ZFYVE26: variants seen among roughly 807,000 people sequenced by gnomAD.
ZFYVE26 encodes the protein zinc finger FYVE-type containing 26, also known as zinc finger FYVE domain-containing protein 26.
Under a neutral mutation model 276.5 loss-of-function variants are expected in ZFYVE26, and 181 were observed. The observed-to-expected ratio is 0.65, with a 90% CI of 0.58 to 0.74. The LOEUF is 0.74. Among genes scored for constraint, ZFYVE26 ranks in the 30% least tolerant of loss-of-function variants. ZFYVE26 has a pLI of 0.00. For missense variants in ZFYVE26, 2,821 were observed against 3,097.9 expected, an observed-to-expected ratio of 0.91 and a Z score of 2.12; for synonymous variants, 1,129 against 1,203.1, an observed-to-expected ratio of 0.94 and a Z score of 1.27.
intron 28 of ZFYVE26, among the ~76,000 whole-genome samples, chr14:67,770,787 C>T (rs1181226983): frequency 1.3e-5 from 2 of 152,130 alleles, no homozygotes; most frequent in African/African-American, 2.4e-5. Flanking sequence ...CTATAATCTA[C>T]CCTATATGTA....
At position 67,746,653 on chromosome 14, in the gene ZFYVE26, A is replaced by G. The variant is rs1413035019; in HGVS notation, c.*1783T>C. ...GTTCAAAGGCTTTTAGCCTCATCTC[A>G]TATCAGTCTAGTCAGTGGTTGCCTA... On this transcript the variant is annotated 3_prime_UTR_variant, in exon 42 of 42. Transcript: ENST00000347230. 1 of 152,366 alleles carries G rather than the reference A, an allele frequency of 6.6e-6. No homozygotes were observed. Among genetic ancestry groups the G allele is most frequent in the African/African-American group, 2.4e-5 (1 of 41,446 alleles). 9.4% of individuals were successfully genotyped at this position (152,366 alleles called of 1,614,324 possible). A position where few individuals can be genotyped will look rare whatever the true frequency, so the allele number is the denominator to read the frequency against.
chr14:67,807,063 G>A (rs2140251556), intron 5 of ZFYVE26, among the ~76,000 whole-genome samples: 1 of 152,158 alleles, frequency 6.6e-6, no homozygotes, highest in East Asian at 1.9e-4. Flanking sequence ...CCTGCCTGTG[G>A]TTCAAGTAGC....
At chr14:67,729,889 G>T in intron 13 of ZFYVE26, 1 of 445,932 alleles carries the variant, frequency 2.2e-6, no homozygotes. Flanking sequence ...ACTAGAGTCT[G>T]GGAGTAAAGG....
intron 10 of ZFYVE26, among the ~76,000 whole-genome samples, chr14:67,800,427 A>C (rs1384599838): frequency 6.6e-6 from 1 of 152,234 alleles, no homozygotes; most frequent in Non-Finnish European, 1.5e-5. Context: ...ACATCAAAAC[A>C]AAGAGTGAAA....
intron 4 of ZFYVE26, among the ~76,000 whole-genome samples, chr14:67,808,989 A>G (rs1019282628): frequency 6.6e-6 from 1 of 152,190 alleles, no homozygotes; most frequent in African/African-American, 2.4e-5. Flanking sequence ...TCCCAGTTAT[A>G]CTTGGTACTT....
intron 10 of ZFYVE26, among the ~76,000 whole-genome samples, chr14:67,800,925 AT>A (rs1191442246): frequency 0.075 from 1,124 of 15,010 alleles, 14 homozygotes; most frequent in African/African-American, 0.31. Flanking sequence ...AAGTTACCGT[AT>A]AAATAAATAA....
chr14:67,767,902 CAG>C (rs1466039999), intron 30 of ZFYVE26, 62 bp from the exon 31 acceptor site: 1 of 1,612,408 alleles, frequency 6.2e-7, no homozygotes, highest in East Asian at 2.2e-5. Flanking sequence ...TAACCCAGTC[CAG>C]TGAGCTGGCA....
Position 67,748,383 on chromosome 14 carries a change from C to G in ZFYVE26, c.*53G>C. On this transcript the variant is annotated 3_prime_UTR_variant, in exon 42 of 42. Coordinates refer to ENST00000347230, the MANE Select transcript of ZFYVE26 (RefSeq NM_015346.4). ...GGAAAGAGGTGGAGGGCATCGCCATCACTGCTGTTGCCCAGCTCTCAGGCC... is the reference window on the plus strand; with the variant it reads ...GGAAAGAGGTGGAGGGCATCGCCATGACTGCTGTTGCCCAGCTCTCAGGCC... 6.3e-7 allele frequency: 1 copy of G among 1,580,950 alleles called. No homozygotes were observed. Among genetic ancestry groups the G allele is most frequent in the Non-Finnish European group, 8.6e-7 (1 of 1,157,936 alleles).
chr14:67,761,234 C>T (rs1306728545), intron 35 of ZFYVE26, 132 bp downstream of exon 35: 2 of 860,444 alleles, frequency 2.3e-6, no homozygotes, highest in East Asian at 2.6e-5. Context: ...TTTGACTTGA[C>T]TCTGCTAGAG....
chr14:67,799,130 C>T (rs1371409803), intron 10 of ZFYVE26: 10 of 1,441,820 alleles, frequency 6.9e-6, no homozygotes, highest in Non-Finnish European at 8.8e-6. Context: ...GGCGTACTGG[C>T]GGCTACTCTT....
At chr14:67,735,483 C>T in intron 13 of ZFYVE26, 1 of 574,746 alleles carries the variant, frequency 1.7e-6, no homozygotes, top group Non-Finnish European at 3.1e-6. Context: ...GGCCGAGACA[C>T]CGTTCGACCT....
At chr14:67,760,579 T>C (rs2038903940) in intron 35 of ZFYVE26, among the ~76,000 whole-genome samples, 1 of 152,170 alleles carries the variant, frequency 6.6e-6, no homozygotes, top group Non-Finnish European at 1.5e-5. Context: ...AAAAAAGGAA[T>C]GTAGCTGGGT....
Position 67,798,310 on chromosome 14 carries a change from G to A in ZFYVE26, c.1952C>T (p.Ala651Val). 1.9e-6 allele frequency: 3 copies of A among 1,613,862 alleles called. No homozygotes were observed. Among genetic ancestry groups the A allele is most frequent in the Non-Finnish European group, 2.5e-6 (3 of 1,179,898 alleles). ...LAYTMPSHVK[A>V]EPKDSYPGPH... ...CCCTGGGTAACTGTCTTTTGGCTCT[G>A]CCTTCACATGGCTTGGCATTGTATA... The change falls in exon 11 of 42, where the codon GCA becomes GTA. Residue 651 changes from alanine (A) to valine (V), a missense_variant. Physicochemically the swap from Ala to Val is moderately conservative, Grantham distance 64. Coordinates refer to ENST00000347230, the MANE Select transcript of ZFYVE26 (RefSeq NM_015346.4).
intron 3 of ZFYVE26, among the ~76,000 whole-genome samples, chr14:67,809,750 TC>T (rs2040259640): frequency 6.7e-6 from 1 of 148,272 alleles, no homozygotes; most frequent in Non-Finnish European, 1.5e-5. Context: ...AACACAACAT[TC>T]CTGGATATGT....
intron 19 of ZFYVE26, 121 bp downstream of exon 19, chr14:67,784,938 T>C: frequency 2.9e-6 from 3 of 1,049,580 alleles, no homozygotes; most frequent in Non-Finnish European, 4.4e-6. Flanking sequence ...GACAACCTTA[T>C]AAATCTAGTG....
intron 28 of ZFYVE26, among the ~76,000 whole-genome samples, chr14:67,770,654 T>C (rs769246645): frequency 3.3e-5 from 5 of 152,162 alleles, no homozygotes; most frequent in African/African-American, 9.7e-5. Context: ...CATCAGGTTA[T>C]TGTAAAATTT....
Position 67,785,282 on chromosome 14 carries a change from G to A in ZFYVE26, c.3305-5C>T, listed in dbSNP as rs1221350135. On this transcript the variant is annotated splice_region_variant and splice_polypyrimidine_tract_variant and intron_variant, in intron 18 of 41. Transcript: ENST00000347230. ...ACAGTGGAGGAGTCCTGGGCTCTGA[G>A]AGGAGGATGGCAGGAGAAAGGACAC... 1 of 1,590,790 alleles carries A rather than the reference G, an allele frequency of 6.3e-7. No individual in the cohort carries two copies.
intron 2 of ZFYVE26, among the ~76,000 whole-genome samples, chr14:67,814,381 C>T (rs1017350159): frequency 1.3e-5 from 2 of 152,048 alleles, no homozygotes; most frequent in East Asian, 1.9e-4. Context: ...TAGCCAAGTG[C>T]GGTGGCAGGC....
chr14:67,743,841 A>G (rs895741261), downstream of ZFYVE26, among the ~76,000 whole-genome samples: 6 of 152,150 alleles, frequency 3.9e-5, no homozygotes, highest in Non-Finnish European at 2.9e-5. Flanking sequence ...ATAGGCAGAG[A>G]AGTGAATAAT....
Sources: gnomAD v4.1 joint callset for allele counts (sites outside exome capture counted in the v4.1 genomes callset) on GRCh38, gnomAD v4.1.1 for gene constraint, MANE v1.5 for transcripts, NCBI Gene and HGNC (gene_info 2026-07-23, HGNC 2026-07-21) for gene names.